FREM2: variants seen among roughly 807,000 people sequenced by gnomAD.
FREM2 encodes the protein FRAS1 related extracellular matrix 2.
FREM2 carries 119 observed loss-of-function variants against 219.9 expected under a neutral mutation model. The ratio of observed to expected loss-of-function variants is 0.54; its 90% CI spans 0.47 to 0.63. FREM2 has a LOEUF of 0.63. FREM2 is among the 30% of genes least tolerant of loss of function. The pLI, the probability that FREM2 is intolerant of heterozygous loss-of-function variation, is 0.00. For missense variants in FREM2, 4,030 were observed against 3,993.6 expected, an observed-to-expected ratio of 1.01 and a Z score of -0.25; for synonymous variants, 1,562 against 1,522.8, an observed-to-expected ratio of 1.03 and a Z score of -0.60.
intron 6 of FREM2, among the ~76,000 whole-genome samples, chr13:38,814,808 C>T (rs1875695573): frequency 6.6e-6 from 1 of 152,156 alleles, no homozygotes; most frequent in African/African-American, 2.4e-5. Context: ...CTTCTCTCCC[C>T]TTTTCGCAGT....
At chr13:38,826,075 T>C (rs1876271986) in intron 6 of FREM2, among the ~76,000 whole-genome samples, 1 of 152,066 alleles carries the variant, frequency 6.6e-6, no homozygotes, top group Admixed American at 6.6e-5. Context: ...CTAACTCCTA[T>C]TTTTCCTTGA....
chr13:38,796,779 T>G (rs1874805832), intron 6 of FREM2, among the ~76,000 whole-genome samples: 1 of 152,212 alleles, frequency 6.6e-6, no homozygotes, highest in Non-Finnish European at 1.5e-5. Context: ...TTTGGATAAA[T>G]ACCTAGTGCT....
intron 6 of FREM2, among the ~76,000 whole-genome samples, chr13:38,843,363 G>A (rs1347846538): frequency 6.6e-6 from 1 of 151,862 alleles, no homozygotes; most frequent in African/African-American, 2.4e-5. Context: ...ATTGTACTGG[G>A]GTAGGGGTAT....
rs1264817400 is a variant in FREM2 at position 38,859,341 on chromosome 13, G to T, written c.7270G>T (p.Glu2424Ter). 2 of 1,614,090 alleles carry T rather than the reference G, an allele frequency of 1.2e-6. No individual in the cohort carries two copies. Among genetic ancestry groups the T allele is most frequent in the Non-Finnish European group, 1.7e-6 (2 of 1,180,042 alleles). The change falls in exon 14 of 24, where the codon GAG (glutamate) becomes TAG (stop). Residue 2424 changes from glutamate (E) to a stop codon, truncating the protein, a stop_gained. Transcript: ENST00000280481. LOFTEE classifies it high-confidence loss of function. ...TAAAACAGGCTCTATCTGTGCAAGT[G>T]AGAACATCAATGACACTTTGACGCG... Reference protein sequence around the residue: ...YDKTGSICASENINDTLTRYR... With the variant: ...YDKTGSICAS
intron 2 of FREM2, among the ~76,000 whole-genome samples, chr13:38,756,994 G>A (rs1593388220): frequency 6.6e-6 from 1 of 152,100 alleles, no homozygotes; most frequent in African/African-American, 2.4e-5. Context: ...ATTTTTTGAT[G>A]CCCCTCTGCA....
At chr13:38,764,513 A>G (rs959100339) in intron 3 of FREM2, 63 bp downstream of exon 3, 5 of 996,328 alleles carry the variant, frequency 5.0e-6, no homozygotes, top group Admixed American at 2.5e-5. Context: ...TTATAATTCT[A>G]CAGTGATTAA....
At chr13:38,758,252 C>T (rs1384157093) in intron 2 of FREM2, among the ~76,000 whole-genome samples, 1 of 152,142 alleles carries the variant, frequency 6.6e-6, no homozygotes, top group Non-Finnish European at 1.5e-5. Context: ...ACATTGAATT[C>T]TTTGAAGTTC....
At chr13:38,726,269 G>A (rs1039254610) in intron 2 of FREM2, among the ~76,000 whole-genome samples, 1 of 152,048 alleles carries the variant, frequency 6.6e-6, no homozygotes, top group East Asian at 1.9e-4. Flanking sequence ...ATCTGGTACC[G>A]GGCCCTGAGA....
chr13:38,863,869 G>T (rs1877852814), intron 15 of FREM2, among the ~76,000 whole-genome samples: 1 of 151,888 alleles, frequency 6.6e-6, no homozygotes, highest in Non-Finnish European at 1.5e-5. Flanking sequence ...TTTCACCTTT[G>T]ATGTCCAGGC....
chr13:38,831,648 C>T (rs1307129553), intron 6 of FREM2, among the ~76,000 whole-genome samples: 15 of 139,084 alleles, frequency 1.1e-4, no homozygotes, highest in Non-Finnish European at 1.8e-4. Flanking sequence ...CTTGCTCTGT[C>T]GCCCAAGCTG....
chr13:38,751,485 C>G (rs908887370), intron 2 of FREM2, among the ~76,000 whole-genome samples: 2 of 152,072 alleles, frequency 1.3e-5, no homozygotes, highest in Admixed American at 1.3e-4. Context: ...TTGTCCTTCC[C>G]TGAATCGGTT....
intron 2 of FREM2, among the ~76,000 whole-genome samples, chr13:38,726,264 G>A (rs1333253947): frequency 6.6e-6 from 1 of 152,142 alleles, no homozygotes; most frequent in Non-Finnish European, 1.5e-5. Flanking sequence ...TAATTATCTG[G>A]TACCGGGCCC....
intron 6 of FREM2, among the ~76,000 whole-genome samples, chr13:38,837,110 A>G (rs1474400751): frequency 6.6e-6 from 1 of 152,082 alleles, no homozygotes; most frequent in Non-Finnish European, 1.5e-5. Context: ...ACACTGCTTT[A>G]TCTGTGTCCC....
chr13:38,706,214 C>T lies in FREM2; in HGVS notation c.5263+8427C>T, dbSNP rs540602438. ...TTGATTTGATCAAAATATAACCCTT[C>T]GAAACATCTGGGTTTAGCAAACATG... On this transcript the variant is annotated intron_variant, in intron 2 of 23. Coordinates refer to ENST00000280481, the MANE Select transcript of FREM2 (RefSeq NM_207361.6). 9.2e-5 allele frequency among the ~76,000 whole-genome samples: 14 copies of T among 152,164 alleles called. 1 individual carries two copies. The East Asian group carries it at 2.5e-3, about 27-fold the overall frequency.
At chr13:38,841,996 C>T (rs955836824) in intron 6 of FREM2, among the ~76,000 whole-genome samples, 1 of 152,046 alleles carries the variant, frequency 6.6e-6, no homozygotes, top group African/African-American at 2.4e-5. Flanking sequence ...GCAGGGTGCT[C>T]CCCACAGAAG....
At chr13:38,723,186 G>A (rs1157215923) in intron 2 of FREM2, among the ~76,000 whole-genome samples, 1 of 152,008 alleles carries the variant, frequency 6.6e-6, no homozygotes, top group South Asian at 2.1e-4. Context: ...AGTGAGCCGA[G>A]ATTGGGCCAC....
Position 38,876,371 on chromosome 13 carries a change from C to T in FREM2, c.8533C>T (p.Arg2845Ter), listed in dbSNP as rs371448296. The change falls in exon 20 of 24, where the codon CGA (arginine) becomes TGA (stop). Residue 2845 changes from arginine to a stop codon, truncating the protein, a stop_gained. Coordinates refer to ENST00000280481, the MANE Select transcript of FREM2 (RefSeq NM_207361.6). LOFTEE classifies it high-confidence loss of function. Reference protein sequence around the residue: ...REPVTFDLDIRFQQVSDPVAA... With the variant: ...REPVTFDLDI ...ACCTGTCACCTTTGACCTTGACATC[C>T]GATTCCAACAGGTGTGGCTTATAGA... The T allele has an allele frequency of 5.6e-6, 9 of 1,613,394 alleles. No individual in the cohort carries two copies. Among genetic ancestry groups the T allele is most frequent in the South Asian group, 5.5e-5 (5 of 91,052 alleles).
chr13:38,769,385 A>G (rs1260979117), intron 3 of FREM2, among the ~76,000 whole-genome samples, 193 bp from the exon 4 acceptor site: 1 of 152,228 alleles, frequency 6.6e-6, no homozygotes, highest in Non-Finnish European at 1.5e-5. Context: ...AGCAGAACAG[A>G]ATCACAAACT....
At chr13:38,819,563 A>C (rs1327096389) in intron 6 of FREM2, among the ~76,000 whole-genome samples, 1 of 152,148 alleles carries the variant, frequency 6.6e-6, no homozygotes, top group Non-Finnish European at 1.5e-5. Flanking sequence ...TTAGGATATC[A>C]AGGTTGTGGT....
Sources: gnomAD v4.1 joint callset for allele counts (sites outside exome capture counted in the v4.1 genomes callset) on GRCh38, gnomAD v4.1.1 for gene constraint, MANE v1.5 for transcripts, NCBI Gene and HGNC (gene_info 2026-07-23, HGNC 2026-07-21) for gene names.